APBB2: variants seen among roughly 807,000 people sequenced by gnomAD.
The protein encoded by APBB2 is Fe65-like 1.
Under a neutral mutation model 82.5 loss-of-function variants are expected in APBB2, and 38 were observed. The ratio of observed to expected loss-of-function variants is 0.46; its 90% CI spans 0.36 to 0.60. The LOEUF (loss-of-function observed/expected upper bound fraction) is 0.60. Ranked by LOEUF, APBB2 falls within the 20% of genes least tolerant of loss-of-function variation. The pLI is 0.00. For missense variants in APBB2, 772 were observed against 972.3 expected, an observed-to-expected ratio of 0.79 and a Z score of 2.74; for synonymous variants, 341 against 368.2, an observed-to-expected ratio of 0.93 and a Z score of 0.85.
At chr4:40,849,847 CCT>C (rs1222951302) in intron 12 of APBB2, among the ~76,000 whole-genome samples, 2 of 151,142 alleles carry the variant, frequency 1.3e-5, no homozygotes, top group Non-Finnish European at 2.9e-5. Context: ...CCTGCCTCAG[CCT>C]CTCGAGTAGC....
chr4:40,819,827 T>A (rs2154294785), intron 17 of APBB2, among the ~76,000 whole-genome samples: 1 of 152,210 alleles, frequency 6.6e-6, no homozygotes, highest in African/African-American at 2.4e-5. Context: ...TTATTTATTT[T>A]TTTGAGACAG....
chr4:41,145,944 C>T (rs554865961), intron 1 of APBB2, among the ~76,000 whole-genome samples: 1 of 152,182 alleles, frequency 6.6e-6, no homozygotes, highest in Non-Finnish European at 1.5e-5. Context: ...AATCCTAGCA[C>T]TTTGGGAGGC....
intron 10 of APBB2, among the ~76,000 whole-genome samples, chr4:40,895,312 T>C (rs1004265657): frequency 6.6e-6 from 1 of 152,238 alleles, no homozygotes; most frequent in African/African-American, 2.4e-5. Flanking sequence ...ACAAGGTGCC[T>C]TTCACAAAGA....
intron 12 of APBB2, among the ~76,000 whole-genome samples, chr4:40,883,740 C>A (rs1769387500): frequency 6.6e-6 from 1 of 151,096 alleles, no homozygotes; most frequent in African/African-American, 2.4e-5. Flanking sequence ...GGGCCCTTTC[C>A]ACAACGACTT....
chr4:41,101,203 G>A (rs1580035478), intron 2 of APBB2, among the ~76,000 whole-genome samples: 2 of 151,692 alleles, frequency 1.3e-5, no homozygotes, highest in Admixed American at 6.6e-5. Context: ...GGTGGCTCAC[G>A]CCTGTAATCC....
intron 15 of APBB2, 43 bp downstream of exon 15, chr4:40,825,844 C>T: frequency 6.4e-7 from 1 of 1,555,446 alleles, no homozygotes; most frequent in Non-Finnish European, 8.9e-7. Flanking sequence ...CTGTGAGCTC[C>T]CGCACACTTG....
chr4:40,833,756 A>T (rs1752877610), intron 12 of APBB2, among the ~76,000 whole-genome samples: 1 of 152,112 alleles, frequency 6.6e-6, no homozygotes, highest in Non-Finnish European at 1.5e-5. Context: ...CATGATTTCC[A>T]AGTCCCTCCC....
At position 40,810,687 on chromosome 4, in the gene APBB2, T is replaced by TATC. The variant is rs544820684; in HGVS notation, c.*5402_*5404dup. The stretch of plus-strand genomic sequence containing the variant: ...ATCCCTGAAGAAGAATTCTTCATGT[T>TATC]ATCACTCTTGTACAGAAAGATATAA... On this transcript the variant is annotated 3_prime_UTR_variant, in exon 18 of 18. Coordinates refer to ENST00000508593, the MANE Select transcript of APBB2 (RefSeq NM_004307.2). The TATC allele has an allele frequency of 8.5e-5, 13 of 152,298 alleles. No homozygotes were observed. The highest frequency in any genetic ancestry group is 2.0e-4 in the Admixed American group (3 of 15,288). The allele number at this position is 152,298 out of a possible 1,614,324, so 9.4% of individuals were successfully genotyped here.
chr4:40,903,490 G>GA (rs960524638), intron 10 of APBB2, among the ~76,000 whole-genome samples: 1 of 152,046 alleles, frequency 6.6e-6, no homozygotes, highest in Non-Finnish European at 1.5e-5. Context: ...GATAAAAAAT[G>GA]ATGCAAGAAA....
chr4:41,135,601 T>A lies in APBB2; in HGVS notation c.-261+7386A>T, dbSNP rs75990663. 2.1e-3 allele frequency among the ~76,000 whole-genome samples: 326 copies of A among 152,336 alleles called. 4 individuals carry two copies. The East Asian group carries it at 0.044, about 20-fold the overall frequency. Reference sequence around the variant, plus strand: ...ACAGATCAGTATGAAACTGAGAAAGTACTGTTTGTTCTTGTATCAGTAATT... The same window carrying A: ...ACAGATCAGTATGAAACTGAGAAAGAACTGTTTGTTCTTGTATCAGTAATT... On this transcript the variant is annotated intron_variant, in intron 2 of 17. Transcript: ENST00000508593.
chr4:41,086,186 C>A (rs1739581332), intron 3 of APBB2, among the ~76,000 whole-genome samples: 1 of 151,998 alleles, frequency 6.6e-6, no homozygotes, highest in African/African-American at 2.4e-5. Flanking sequence ...AATCAAAAAC[C>A]TCCCAACAAA....
intron 12 of APBB2, among the ~76,000 whole-genome samples, chr4:40,862,655 T>G (rs1191197568): frequency 6.6e-6 from 1 of 152,164 alleles, no homozygotes; most frequent in Non-Finnish European, 1.5e-5. Flanking sequence ...GGTCAGCAGT[T>G]CAAGACCAGC....
intron 10 of APBB2, among the ~76,000 whole-genome samples, chr4:40,907,600 AC>A (rs1777367407): frequency 6.7e-6 from 1 of 149,136 alleles, no homozygotes; most frequent in African/African-American, 2.5e-5. Context: ...TGAATTCCTG[AC>A]CTCAGGTGAT....
chr4:40,987,285 GATTT>G (rs1193587376), intron 6 of APBB2, among the ~76,000 whole-genome samples: 1 of 152,122 alleles, frequency 6.6e-6, no homozygotes, highest in Non-Finnish European at 1.5e-5. Flanking sequence ...AAGTTTAAAA[GATTT>G]ATTTAAAACT....
chr4:41,195,232 G>T, intron 1 of APBB2, among the ~76,000 whole-genome samples: 66 of 152,208 alleles, frequency 4.3e-4, no homozygotes, highest in African/African-American at 1.6e-3. Context: ...CTAGGATGCT[G>T]ATGAAACACC....
In APBB2 at chr4:40,827,203, T is replaced by C. The variant is rs758285358; in HGVS notation, c.1661A>G (p.Lys554Arg). 3.1e-6 allele frequency: 5 copies of C among 1,614,212 alleles called. No individual in the cohort carries two copies. Among genetic ancestry groups the C allele is most frequent in the South Asian group, 2.2e-5 (2 of 91,090 alleles). ...EICSKIMAERKNAKALACSSL... is the reference protein window; with the variant it reads ...EICSKIMAERRNAKALACSSL... ...GCTGCAGGCCAGCGCTTTGGCATTCTTCCGTTCAGCCATAATCTAAGGGGG... is the reference window on the plus strand; with the variant it reads ...GCTGCAGGCCAGCGCTTTGGCATTCCTCCGTTCAGCCATAATCTAAGGGGG... The change falls in exon 14 of 18, where the codon AAG (lysine) becomes AGG (arginine). Residue 554 changes from lysine to arginine, a missense_variant. Coordinates refer to ENST00000508593, the MANE Select transcript of APBB2 (RefSeq NM_004307.2).
At chr4:41,101,336 C>T (rs1011255775) in intron 2 of APBB2, among the ~76,000 whole-genome samples, 4 of 150,174 alleles carry the variant, frequency 2.7e-5, no homozygotes, top group African/African-American at 4.9e-5. Context: ...CGGTGGCGGG[C>T]GCCTGTAGTC....
intron 12 of APBB2, among the ~76,000 whole-genome samples, chr4:40,853,988 T>A (rs892830275): frequency 1.3e-5 from 2 of 152,194 alleles, no homozygotes; most frequent in Non-Finnish European, 2.9e-5. Context: ...AACAGGGACC[T>A]CATCTGTCTC....
chr4:40,972,150 C>T (rs1456537778), intron 6 of APBB2, among the ~76,000 whole-genome samples: 4 of 151,976 alleles, frequency 2.6e-5, no homozygotes, highest in Non-Finnish European at 5.9e-5. Context: ...AAATCCTGGC[C>T]GGCTGTGGTG....
Sources: allele counts gnomAD v4.1 joint callset (sites outside exome capture counted in the v4.1 genomes callset), GRCh38; gene constraint gnomAD v4.1.1; transcripts MANE v1.5; gene names NCBI Gene and HGNC (gene_info 2026-07-23, HGNC 2026-07-21).